The following STRN variants were observed in gnomAD, a reference collection of about 807,000 sequenced individuals.
The protein encoded by STRN is striatin, also known as protein phosphatase 2 regulatory subunit B'''alpha.
STRN carries 53 observed loss-of-function variants against 96.3 expected under a neutral mutation model. The ratio of observed to expected loss-of-function variants is 0.55; its 90% confidence interval spans 0.44 to 0.69. The LOEUF (loss-of-function observed/expected upper bound fraction) is 0.69, where lower values mean the gene tolerates loss of function less well. Among genes scored for constraint, STRN ranks in the 30% least tolerant of loss-of-function variants. The pLI is 0.00. For synonymous variants in STRN, 428 were observed against 355.9 expected, an observed-to-expected ratio of 1.20 and a Z score of -2.28; for missense variants, 987 against 963.9, an observed-to-expected ratio of 1.02 and a Z score of -0.32.
At chr2:36,915,366 C>T (rs548812740) in intron 3 of STRN, among the ~76,000 whole-genome samples, 12 of 149,200 alleles carry the variant, frequency 8.0e-5, no homozygotes, top group East Asian at 2.0e-4. Flanking sequence ...CCTGAAATTA[C>T]GCCAGAAACG....
At chr2:36,850,971 A>C in intron 16 of STRN, 29 bp downstream of exon 16, 1 of 1,473,930 alleles carries the variant, frequency 6.8e-7, no homozygotes, top group Non-Finnish European at 9.1e-7. Context: ...TTTTGCTTTA[A>C]TAAAAATCAA....
intron 2 of STRN, among the ~76,000 whole-genome samples, chr2:36,923,023 T>A (rs1395069884): frequency 2.6e-5 from 4 of 151,452 alleles, no homozygotes; most frequent in Non-Finnish European, 5.9e-5. Context: ...GCTCCTGTAA[T>A]CCCAGCTACT....
chr2:36,852,827 A>G (rs995507357), intron 15 of STRN, among the ~76,000 whole-genome samples: 1 of 152,146 alleles, frequency 6.6e-6, no homozygotes, highest in South Asian at 2.1e-4. Context: ...TCTTTTCCCA[A>G]TGCTAGTGGC....
At chr2:36,863,225 T>C (rs1413937282) in intron 12 of STRN, among the ~76,000 whole-genome samples, 1 of 152,186 alleles carries the variant, frequency 6.6e-6, no homozygotes, top group African/African-American at 2.4e-5. Context: ...CAATTGCTTT[T>C]GGTGTCTTCA....
chr2:36,899,096 T>C (rs548633084), intron 6 of STRN, among the ~76,000 whole-genome samples: 1 of 152,312 alleles, frequency 6.6e-6, no homozygotes, highest in African/African-American at 2.4e-5. Flanking sequence ...AGAACTCTAA[T>C]GGAAGAGTTC....
At position 36,878,451 on chromosome 2, in the gene STRN, T is replaced by G. The variant is rs947161809; in HGVS notation, c.1187-424A>C. On this transcript the variant is annotated intron_variant, in intron 9 of 17. Transcript: ENST00000263918. ...TATAACCTAGAAGAATATAGAAAAT[T>G]TCAAATGAAAATGGGTCAAATTCTT... 8.3e-4 allele frequency among the ~76,000 whole-genome samples: 127 copies of G among 152,278 alleles called. 1 individual carries two copies. Among genetic ancestry groups the G allele is most frequent in the Admixed American group, 5.0e-3 (77 of 15,300 alleles).
intron 1 of STRN, among the ~76,000 whole-genome samples, chr2:36,925,824 A>G (rs6734109): frequency 6.6e-6 from 1 of 152,170 alleles, no homozygotes; most frequent in Non-Finnish European, 1.5e-5. Flanking sequence ...CAAGGTGTAC[A>G]GTACAGTTTG....
At chr2:36,910,996 T>A (rs1669951948) in intron 3 of STRN, among the ~76,000 whole-genome samples, 1 of 152,188 alleles carries the variant, frequency 6.6e-6, no homozygotes, top group South Asian at 2.1e-4. Flanking sequence ...TGTCTGGTTA[T>A]CAGTTTTAGG....
chr2:36,875,824 T>C (rs1370496605), intron 10 of STRN, among the ~76,000 whole-genome samples: 1 of 152,086 alleles, frequency 6.6e-6, no homozygotes, highest in African/African-American at 2.4e-5. Context: ...GCCCAGCTAA[T>C]TTTTTTGTAT....
chr2:36,916,356 T>C (rs1041597207), intron 2 of STRN, among the ~76,000 whole-genome samples: 3 of 152,138 alleles, frequency 2.0e-5, no homozygotes, highest in African/African-American at 7.2e-5. Flanking sequence ...AGTATCCTTA[T>C]AACAAAATAA....
chr2:36,923,701 C>T (rs1387404050), intron 2 of STRN, among the ~76,000 whole-genome samples: 1 of 152,106 alleles, frequency 6.6e-6, no homozygotes, highest in East Asian at 1.9e-4. Flanking sequence ...TATCTAATTG[C>T]ATCTAAATGC....
chr2:36,880,080 G>A (rs1669028052), intron 9 of STRN, among the ~76,000 whole-genome samples: 1 of 152,136 alleles, frequency 6.6e-6, no homozygotes, highest in South Asian at 2.1e-4. Context: ...AAATTCTCCT[G>A]TCTCAGCCTC....
intron 1 of STRN, among the ~76,000 whole-genome samples, chr2:36,931,301 C>A (rs961691792): frequency 8.5e-5 from 13 of 152,214 alleles, no homozygotes; most frequent in African/African-American, 2.4e-4. Context: ...TATTTCAGTT[C>A]AATCACATGT....
intron 16 of STRN, among the ~76,000 whole-genome samples, chr2:36,850,408 T>C (rs1668190882): frequency 6.6e-6 from 1 of 152,174 alleles, no homozygotes; most frequent in African/African-American, 2.4e-5. Flanking sequence ...ACTGGTGAAA[T>C]GTAATAAAAT....
intron 1 of STRN, among the ~76,000 whole-genome samples, chr2:36,960,398 C>A (rs898721234): frequency 6.6e-6 from 1 of 152,190 alleles, no homozygotes; most frequent in African/African-American, 2.4e-5. Context: ...CAGAATATTA[C>A]ACTGCATGGC....
intron 1 of STRN, among the ~76,000 whole-genome samples, chr2:36,933,486 T>G (rs1273299453): frequency 6.6e-6 from 1 of 152,208 alleles, no homozygotes; most frequent in East Asian, 1.9e-4. Flanking sequence ...TATGAGACAG[T>G]ATGATATTCA....
chr2:36,958,624 TA>T (rs1664951679), intron 1 of STRN, among the ~76,000 whole-genome samples: 2 of 151,988 alleles, frequency 1.3e-5, no homozygotes, highest in Admixed American at 6.6e-5. Context: ...TTATCGAGAA[TA>T]AAGCATGGAG....
At chr2:36,853,102 A>G (rs1043210249) in intron 15 of STRN, among the ~76,000 whole-genome samples, 3 of 152,122 alleles carry the variant, frequency 2.0e-5, no homozygotes, top group African/African-American at 7.2e-5. Context: ...GGTTGCAGTA[A>G]GCTGAGATCG....
chr2:36,957,453 T>G (rs979129189), intron 1 of STRN, among the ~76,000 whole-genome samples: 1 of 152,020 alleles, frequency 6.6e-6, no homozygotes, highest in African/African-American at 2.4e-5. Context: ...CCAGGCGTGG[T>G]GGTGCACACC....
Sources: gnomAD v4.1 joint callset for allele counts (sites outside exome capture counted in the v4.1 genomes callset) on GRCh38, gnomAD v4.1.1 for gene constraint, MANE v1.5 for transcripts, NCBI Gene and HGNC (gene_info 2026-07-23, HGNC 2026-07-21) for gene names.